CLNK: variants seen among roughly 807,000 people sequenced by gnomAD.
CLNK encodes cytokine dependent hematopoietic cell linker.
A neutral mutation model predicts 68.6 loss-of-function variants in CLNK; 74 were observed. That is an observed-to-expected ratio of 1.08 (90% CI 0.89 to 1.31). The LOEUF (loss-of-function observed/expected upper bound fraction) is 1.31, where lower values mean the gene tolerates loss of function less well. Ranked by LOEUF, CLNK falls within the 50% of genes most tolerant of loss-of-function variation. CLNK has a pLI of 0.00. For synonymous variants in CLNK, 198 were observed against 172.2 expected, an observed-to-expected ratio of 1.15 and a Z score of -1.17; for missense variants, 553 against 515.3, an observed-to-expected ratio of 1.07 and a Z score of -0.71.
At chr4:10,719,581 T>C in the CLNK span, among the ~76,000 whole-genome samples, 1 of 151,996 alleles carries the variant, frequency 6.6e-6, no homozygotes, top group Non-Finnish European at 1.5e-5. Context: ...TGAAAATGGA[T>C]AGAATTAAAA....
the CLNK span, among the ~76,000 whole-genome samples, chr4:10,690,512 T>TA: frequency 2.0e-5 from 3 of 152,112 alleles, no homozygotes; most frequent in African/African-American, 7.2e-5. Flanking sequence ...AATTCTTCTT[T>TA]AAAAAAAGAT....
At chr4:10,667,012 AC>A (rs1385122184) in intron 2 of CLNK, among the ~76,000 whole-genome samples, 2 of 152,196 alleles carry the variant, frequency 1.3e-5, no homozygotes, top group Admixed American at 1.3e-4. Flanking sequence ...CAGGACATCC[AC>A]CCAGAAACCA....
intron 11 of CLNK, among the ~76,000 whole-genome samples, chr4:10,535,207 A>AAG (rs1718698003): frequency 1.5e-4 from 20 of 132,674 alleles, no homozygotes; most frequent in South Asian, 5.2e-4. Context: ...AAAAGAAAGA[A>AAG]AGAAAGAGAA....
chr4:10,496,981 T>C (rs1232639694), intron 18 of CLNK, among the ~76,000 whole-genome samples: 2 of 152,224 alleles, frequency 1.3e-5, no homozygotes, highest in African/African-American at 4.8e-5. Flanking sequence ...CTTCATTCTT[T>C]CCTTGCTTTG....
intron 11 of CLNK, among the ~76,000 whole-genome samples, chr4:10,535,251 G>GAAAGAAAGAAAGAA (rs1718711132): frequency 6.3e-5 from 9 of 142,320 alleles, no homozygotes; most frequent in Middle Eastern, 3.8e-3. Context: ...AAGAAAGAAA[G>GAAAGAAAGAAAGAA]AAAGAAAGAA....
chr4:10,668,219 G>A (rs1468211956), intron 1 of CLNK, among the ~76,000 whole-genome samples: 7 of 152,180 alleles, frequency 4.6e-5, no homozygotes, highest in Non-Finnish European at 5.9e-5. Context: ...GGGCACCGAG[G>A]GCACGTTAGC....
intron 2 of CLNK, among the ~76,000 whole-genome samples, chr4:10,625,739 TAGAG>T (rs1429770126): frequency 2.7e-5 from 4 of 150,162 alleles, no homozygotes; most frequent in African/African-American, 4.9e-5. Context: ...CAGCAGGAAA[TAGAG>T]AGACAGAGAG....
At chr4:10,503,575 T>C (rs1717149428) in intron 17 of CLNK, among the ~76,000 whole-genome samples, 1 of 148,456 alleles carries the variant, frequency 6.7e-6, no homozygotes, top group South Asian at 2.1e-4. Context: ...TATATAATTA[T>C]ATACTTCAAT....
the CLNK span, among the ~76,000 whole-genome samples, chr4:10,722,595 A>G: frequency 6.6e-6 from 1 of 152,152 alleles, no homozygotes. Context: ...GGTTTTTGGC[A>G]TTCTTAACAA....
chr4:10,552,841 C>T lies in CLNK; in HGVS notation c.445+5566G>A, dbSNP rs893432578. Among the ~76,000 whole-genome samples, 14 of 152,174 alleles carry T rather than the reference C, an allele frequency of 9.2e-5. No homozygotes were observed. The South Asian group carries it at 1.2e-3, about 13-fold the overall frequency. ...CAGTGGGCAGGAAGAACCCCTCGGG[C>T]GGTTACATGTGTACCCATTTTCATC... On this transcript the variant is annotated intron_variant, in intron 8 of 18. Transcript: ENST00000226951.
intron 8 of CLNK, among the ~76,000 whole-genome samples, chr4:10,549,275 A>G (rs1405812428): frequency 6.6e-6 from 1 of 152,238 alleles, no homozygotes; most frequent in Admixed American, 6.5e-5. Flanking sequence ...GGAACTTTGC[A>G]GGTGAAAAAA....
chr4:10,681,400 TAGTC>T lies in CLNK; in HGVS notation c.-43+3264_-43+3267del, dbSNP rs1461458917. 7.9e-5 allele frequency among the ~76,000 whole-genome samples: 12 copies of T among 152,322 alleles called. No individual in the cohort carries two copies. The Middle Eastern group carries it at 0.014, about 173-fold the overall frequency. On this transcript the variant is annotated intron_variant, in intron 1 of 18. Coordinates refer to ENST00000226951, the MANE Select transcript of CLNK (RefSeq NM_052964.4). ...CTCTCAGAGTTTGGGCCTAGGCTAT[TAGTC>T]AGCCCTTATCTTTATCTTACACGAA...
chr4:10,623,055 A>C (rs1012234767), intron 2 of CLNK, among the ~76,000 whole-genome samples: 1 of 152,196 alleles, frequency 6.6e-6, no homozygotes, highest in African/African-American at 2.4e-5. Flanking sequence ...CGATATGTCA[A>C]TTTGGGGGAA....
intron 1 of CLNK, among the ~76,000 whole-genome samples, chr4:10,683,239 C>T (rs150481255): frequency 5.3e-5 from 8 of 152,176 alleles, no homozygotes; most frequent in African/African-American, 9.7e-5. Flanking sequence ...CTTTCTAAGA[C>T]AGCACCTGAC....
At position 10,650,027 on chromosome 4, in the gene CLNK, T is replaced by G. The variant is rs533656277; in HGVS notation, c.11+17832A>C. Among the ~76,000 whole-genome samples, 10 of 152,328 alleles carry G rather than the reference T, an allele frequency of 6.6e-5. No homozygotes were observed. In the South Asian group the frequency reaches 2.1e-3, roughly 32 times the overall value. ...CATTAGTGGACACATGAACAAAGTG[T>G]ACATATTATGTTTAACTAAGGAAAA... is the stretch of plus-strand genomic sequence containing the variant. On this transcript the variant is annotated intron_variant, in intron 2 of 18. Coordinates refer to ENST00000226951, the MANE Select transcript of CLNK (RefSeq NM_052964.4).
chr4:10,600,534 TATGC>T lies in CLNK; in HGVS notation c.12-2489_12-2486del, dbSNP rs567484885. Among the ~76,000 whole-genome samples the T allele has an allele frequency of 5.9e-5, 9 of 152,312 alleles. No homozygotes were observed. The East Asian group carries it at 1.7e-3, about 29-fold the overall frequency. On this transcript the variant is annotated intron_variant, in intron 2 of 18. Transcript: ENST00000226951. ...TTAAATGCCCTGTACATGCATTCAT[TATGC>T]ATGTACATGTCCATATCCCCTTGCA...
In CLNK at chr4:10,642,635, C is replaced by T. The variant is rs539149156; in HGVS notation, c.11+25224G>A. On this transcript the variant is annotated intron_variant, in intron 2 of 18. Coordinates refer to ENST00000226951, the MANE Select transcript of CLNK (RefSeq NM_052964.4). ...ATGTGGGTAAGTCATGAAAACTTTG[C>T]CCTGCAGTTTCCTCATCTATATGCC... 5.9e-5 allele frequency among the ~76,000 whole-genome samples: 9 copies of T among 152,204 alleles called. No individual in the cohort carries two copies. The South Asian group carries it at 1.9e-3, about 32-fold the overall frequency.
intron 17 of CLNK, among the ~76,000 whole-genome samples, chr4:10,502,002 G>A (rs1034740284): frequency 6.6e-6 from 1 of 152,188 alleles, no homozygotes; most frequent in Admixed American, 6.5e-5. Flanking sequence ...CATGAACTTA[G>A]CATGACCAAC....
At chr4:10,550,275 C>T (rs1180936020) in intron 8 of CLNK, among the ~76,000 whole-genome samples, 1 of 152,098 alleles carries the variant, frequency 6.6e-6, no homozygotes, top group Non-Finnish European at 1.5e-5. Flanking sequence ...GGGCGGATGA[C>T]GAGGTCGGGA....
Sources: allele counts gnomAD v4.1 joint callset (sites outside exome capture counted in the v4.1 genomes callset), GRCh38; gene constraint gnomAD v4.1.1; transcripts MANE v1.5; gene names NCBI Gene and HGNC (gene_info 2026-07-23, HGNC 2026-07-21).